PHC3: variants seen among roughly 807,000 people sequenced by gnomAD.
The protein encoded by PHC3 is polyhomeotic-like protein 3.
A neutral mutation model predicts 107.4 loss-of-function variants in PHC3; 13 were observed. The observed-to-expected ratio is 0.12, with a 90% confidence interval of 0.08 to 0.19. The LOEUF (loss-of-function observed/expected upper bound fraction) is 0.19, where lower values mean the gene tolerates loss of function less well. Among genes scored for constraint, PHC3 ranks in the 10% least tolerant of loss-of-function variants. The probability of loss-of-function intolerance (pLI) is 1.00; values close to 1 mark genes in which losing one functional copy is unlikely to be tolerated. For synonymous variants in PHC3, 456 were observed against 427.4 expected (o/e 1.07, Z -0.83); for missense variants, 992 against 1,210.9 (o/e 0.82, Z 2.68).
chr3:170,121,096 A>G (rs1720196608), intron 9 of PHC3, among the ~76,000 whole-genome samples: 1 of 152,194 alleles, frequency 6.6e-6, no homozygotes, highest in African/African-American at 2.4e-5. Flanking sequence ...TGAATTTTAT[A>G]TATATTTTCA....
At position 170,160,635 on chromosome 3, in the gene PHC3, T is replaced by G. The variant is rs960382253; in HGVS notation, c.414+10738A>C. On this transcript the variant is annotated intron_variant, in intron 4 of 14. Coordinates refer to ENST00000495893, the MANE Select transcript of PHC3 (RefSeq NM_024947.4). ...TTAACATTAGGTCGGGCATGGTGGC[T>G]CACGCCTGTAATCCTAGCACTTTGG... 3.3e-5 allele frequency among the ~76,000 whole-genome samples: 5 copies of G among 152,342 alleles called. No individual in the cohort carries two copies. The East Asian group carries it at 9.6e-4, about 29-fold the overall frequency.
Position 170,129,978 on chromosome 3 carries a change from C to A in PHC3, c.920-426G>T, listed in dbSNP as rs769455470. Among the ~76,000 whole-genome samples, 162 of 152,160 alleles carry A rather than the reference C, an allele frequency of 1.1e-3. 1 individual carries two copies. Among genetic ancestry groups the A allele is most frequent in the Non-Finnish European group, 1.2e-3 (85 of 68,026 alleles). On this transcript the variant is annotated intron_variant, in intron 7 of 14. Coordinates refer to ENST00000495893, the MANE Select transcript of PHC3 (RefSeq NM_024947.4). ...CCTCCCAAAGTGCTGGGATTACTAGCGTGAGCCATCACGCCTGGCCTGAAT... is the reference window on the plus strand; with the variant it reads ...CCTCCCAAAGTGCTGGGATTACTAGAGTGAGCCATCACGCCTGGCCTGAAT...
In PHC3 at chr3:170,102,854, C is replaced by T. The variant is rs1186455721; in HGVS notation, c.2549G>A (p.Gly850Asp). The T allele has an allele frequency of 1.2e-6, 2 of 1,613,716 alleles. No individual in the cohort carries two copies. The highest frequency in any genetic ancestry group is 1.7e-6 in the Non-Finnish European group (2 of 1,179,830). The change falls in exon 13 of 15, where the codon GGC (glycine) becomes GAC (aspartate). Residue 850 changes from glycine (G) to aspartate (D), a missense_variant. Physicochemically the swap from Gly to Asp is moderately conservative, Grantham distance 94. Around this residue, in one of 6 missense-constraint regions of PHC3, gnomAD observed 228 missense variants for 288.8 expected, o/e 0.79. Coordinates refer to ENST00000495893, the MANE Select transcript of PHC3 (RefSeq NM_024947.4). ...CCCATCAGGGCCACTTGGACGACGGCCACGATGCCCAAGACTTTGATTATC... is the reference window on the plus strand; with the variant it reads ...CCCATCAGGGCCACTTGGACGACGGTCACGATGCCCAAGACTTTGATTATC... ...KPDNQSLGHR[G>D]RRPSGPDGAA... is the part of the protein sequence containing the mutation.
chr3:170,178,176 T>C (rs1351588830), intron 2 of PHC3, among the ~76,000 whole-genome samples: 1 of 149,704 alleles, frequency 6.7e-6, no homozygotes, highest in African/African-American at 2.5e-5. Flanking sequence ...CGGAGTCTCG[T>C]TCTGTCGCTC....
intron 6 of PHC3, among the ~76,000 whole-genome samples, chr3:170,139,961 A>G (rs958789073): frequency 6.6e-6 from 1 of 152,030 alleles, no homozygotes; most frequent in African/African-American, 2.4e-5. Context: ...GAAAAAGTCT[A>G]CATTTTGCCT....
At chr3:170,117,133 T>G in intron 10 of PHC3, 93 bp downstream of exon 10, 1 of 1,464,912 alleles carries the variant, frequency 6.8e-7, no homozygotes, top group South Asian at 1.2e-5. Flanking sequence ...TGAAATAAAA[T>G]TACAAGCTTT....
intron 6 of PHC3, among the ~76,000 whole-genome samples, chr3:170,138,787 A>G (rs959234813): frequency 6.6e-6 from 1 of 151,464 alleles, no homozygotes; most frequent in Non-Finnish European, 1.5e-5. Context: ...GCCAAAACCC[A>G]CTTCAAGCCC....
intron 6 of PHC3, among the ~76,000 whole-genome samples, chr3:170,143,501 T>C (rs1724432434): frequency 2.6e-5 from 4 of 151,242 alleles, no homozygotes; most frequent in African/African-American, 9.8e-5. Context: ...CTACCTCATT[T>C]TTTATTTTTT....
chr3:170,174,351 G>A (rs950188212), intron 2 of PHC3, among the ~76,000 whole-genome samples: 2 of 152,082 alleles, frequency 1.3e-5, no homozygotes, highest in Admixed American at 6.6e-5. Context: ...CTTAAAAAGT[G>A]TTAATTACTG....
In PHC3 at chr3:170,090,692, C is replaced by T. The variant is rs901135402; in HGVS notation, c.*6538G>A. Reference sequence around the variant, plus strand: ...ATCATAGTTTTAGAGCTGGGAGGTACCTTAAAGATGAATTAAACCAAAATC... The same window carrying T: ...ATCATAGTTTTAGAGCTGGGAGGTATCTTAAAGATGAATTAAACCAAAATC... On this transcript the variant is annotated 3_prime_UTR_variant, in exon 15 of 15. Transcript: ENST00000495893. 6.6e-6 allele frequency: 1 copy of T among 152,072 alleles called. No homozygotes were observed. The highest frequency in any genetic ancestry group is 1.9e-4 in the East Asian group (1 of 5,196). The allele number at this position is 152,072 out of a possible 1,614,324, so 9.4% of individuals were successfully genotyped here.
In PHC3 at chr3:170,148,908, T is replaced by C. The variant is rs1010885569; in HGVS notation, c.573+178A>G. 1.1e-5 allele frequency: 6 copies of C among 547,828 alleles called. No individual in the cohort carries two copies. The African/African-American group carries it at 1.1e-4, about 10-fold the overall frequency. The allele number at this position is 547,828 out of a possible 1,614,324, so 33.9% of individuals were successfully genotyped here. ...ATTTGATACCAAGAAGACCTATTAA[T>C]TAAAAGTAGAATCTTTCATGACATA... On this transcript the variant is annotated intron_variant, in intron 5 of 14. Coordinates refer to ENST00000495893, the MANE Select transcript of PHC3 (RefSeq NM_024947.4).
chr3:170,154,658 C>T (rs896061703), intron 4 of PHC3, among the ~76,000 whole-genome samples: 7 of 152,264 alleles, frequency 4.6e-5, no homozygotes, highest in Admixed American at 2.6e-4. Flanking sequence ...CAACTAGCAA[C>T]GCCCTAACCA....
intron 14 of PHC3, among the ~76,000 whole-genome samples, chr3:170,100,050 A>G (rs1463402199): frequency 6.6e-6 from 1 of 152,320 alleles, no homozygotes; most frequent in African/African-American, 2.4e-5. Context: ...CATTCTGTTA[A>G]CAGCTCTGAG....
intron 2 of PHC3, among the ~76,000 whole-genome samples, chr3:170,177,666 A>ATTTT (rs67401455): frequency 1.2e-4 from 12 of 101,942 alleles, no homozygotes; most frequent in African/African-American, 3.1e-4. Context: ...CACGCCCAGC[A>ATTTT]TTTTTTTTTT....
chr3:170,180,042 T>A (rs1336080969), intron 1 of PHC3, among the ~76,000 whole-genome samples: 1 of 151,896 alleles, frequency 6.6e-6, no homozygotes, highest in African/African-American at 2.4e-5. Context: ...ACACATACAC[T>A]ATTACCATAG....
At chr3:170,114,990 C>T (rs1331691452) in intron 10 of PHC3, among the ~76,000 whole-genome samples, 1 of 152,130 alleles carries the variant, frequency 6.6e-6, no homozygotes. Context: ...TAAGGGCATA[C>T]ACTTCTCACA....
At chr3:170,136,382 A>C in intron 7 of PHC3, 37 bp downstream of exon 7, 1 of 1,611,274 alleles carries the variant, frequency 6.2e-7, no homozygotes. Context: ...TAAGAAAATG[A>C]ATAATACAAC....
At chr3:170,101,916 A>T (rs1715550816) in intron 14 of PHC3, among the ~76,000 whole-genome samples, 2 of 152,136 alleles carry the variant, frequency 1.3e-5, no homozygotes, top group Non-Finnish European at 2.9e-5. Context: ...TGAAAAATAA[A>T]ATTTCAGAAA....
intron 9 of PHC3, among the ~76,000 whole-genome samples, chr3:170,120,259 T>C (rs1719971082): frequency 6.6e-6 from 1 of 152,196 alleles, no homozygotes; most frequent in Non-Finnish European, 1.5e-5. Flanking sequence ...CTATAAACTT[T>C]CTTAAGTCTT....
Sources: allele counts gnomAD v4.1 joint callset (sites outside exome capture counted in the v4.1 genomes callset), GRCh38; gene constraint gnomAD v4.1.1; regional missense constraint gnomAD v4.1.1; transcripts MANE v1.5; gene names NCBI Gene and HGNC (gene_info 2026-07-23, HGNC 2026-07-21).